INPP4B: variants seen among roughly 807,000 people sequenced by gnomAD.
INPP4B encodes inositol polyphosphate-4-phosphatase type II B.
In INPP4B, 55 loss-of-function variants were observed where a neutral mutation model predicts 122.5. The observed-to-expected ratio is 0.45, with a 90% CI of 0.36 to 0.56. INPP4B has a LOEUF of 0.56. Ranked by LOEUF, INPP4B falls within the 20% of genes least tolerant of loss-of-function variation. The pLI, the probability that INPP4B is intolerant of heterozygous loss-of-function variation, is 0.00. For synonymous variants in INPP4B, 403 were observed against 388.7 expected (o/e 1.04, Z -0.43); for missense variants, 1,000 against 1,097.7 (o/e 0.91, Z 1.26).
At chr4:142,479,065 A>T (rs1820166676) in intron 2 of INPP4B, among the ~76,000 whole-genome samples, 1 of 152,134 alleles carries the variant, frequency 6.6e-6, no homozygotes, top group African/African-American at 2.4e-5. Flanking sequence ...TGGAAACTAT[A>T]TATCTGACAA....
At chr4:142,841,285 T>TA (rs1170205912) in intron 1 of INPP4B, among the ~76,000 whole-genome samples, 1 of 152,018 alleles carries the variant, frequency 6.6e-6, no homozygotes, top group African/African-American at 2.4e-5. Flanking sequence ...CCACTGGTTT[T>TA]AGTCCTACTT....
chr4:142,810,018 A>G (rs1014234133), intron 1 of INPP4B, among the ~76,000 whole-genome samples: 2 of 151,844 alleles, frequency 1.3e-5, no homozygotes, highest in African/African-American at 4.8e-5. Context: ...AAAAATACAA[A>G]AATTAGCTGG....
At chr4:142,651,458 A>C (rs2150536704) in intron 2 of INPP4B, among the ~76,000 whole-genome samples, 1 of 152,286 alleles carries the variant, frequency 6.6e-6, no homozygotes, top group East Asian at 1.9e-4. Context: ...CATCAACAAA[A>C]TTGATAGACC....
At chr4:142,173,950 A>T in intron 15 of INPP4B, 141 bp from the exon 16 acceptor site, 1 of 707,446 alleles carries the variant, frequency 1.4e-6, no homozygotes, top group Non-Finnish European at 2.4e-6. Flanking sequence ...ATTTTTAATG[A>T]TGCACTAGCA....
chr4:142,173,567 A>G, intron 16 of INPP4B, 65 bp downstream of exon 16: 1 of 1,417,332 alleles, frequency 7.1e-7, no homozygotes, highest in Non-Finnish European at 9.8e-7. Context: ...ATGTATGCAG[A>G]AAGCCAGACC....
At chr4:142,788,976 A>C (rs976612538) in intron 1 of INPP4B, among the ~76,000 whole-genome samples, 2 of 152,194 alleles carry the variant, frequency 1.3e-5, no homozygotes, top group African/African-American at 4.8e-5. Flanking sequence ...AGAATTAAAA[A>C]CAAAAACCAG....
At position 142,621,577 on chromosome 4, in the gene INPP4B, G is replaced by A. The variant is rs145372955; in HGVS notation, c.-191+104262C>T. Among the ~76,000 whole-genome samples the A allele has an allele frequency of 5.1e-4, 77 of 152,042 alleles. 1 individual carries two copies. In the Middle Eastern group the frequency reaches 0.01, roughly 20 times the overall value. On this transcript the variant is annotated intron_variant, in intron 2 of 25. Coordinates refer to ENST00000262992, the MANE Select transcript of INPP4B (RefSeq NM_001101669.3). ...AGGACATGATTGTAAGAGTTACTCA[G>A]TGGGATTTAAATTGCAACTTCACTC... is the stretch of plus-strand genomic sequence containing the variant.
intron 11 of INPP4B, among the ~76,000 whole-genome samples, chr4:142,239,553 T>A (rs1206197295): frequency 6.6e-6 from 1 of 152,110 alleles, no homozygotes; most frequent in Non-Finnish European, 1.5e-5. Flanking sequence ...TTACAGCCAA[T>A]CAATAAAAGA....
intron 18 of INPP4B, among the ~76,000 whole-genome samples, chr4:142,128,206 ATG>A (rs57366796): frequency 0.016 from 2,339 of 150,762 alleles, 39 homozygotes; most frequent in East Asian, 0.06. Flanking sequence ...AAATATATAT[ATG>A]TGTGTGTGTG....
At chr4:142,206,052 T>TA (rs1842467161) in intron 14 of INPP4B, among the ~76,000 whole-genome samples, 1 of 152,268 alleles carries the variant, frequency 6.6e-6, no homozygotes, top group African/African-American at 2.4e-5. Flanking sequence ...AAGGCGCTGG[T>TA]ATCTGATAAC....
intron 15 of INPP4B, among the ~76,000 whole-genome samples, chr4:142,176,178 T>C (rs1828168155): frequency 6.8e-6 from 1 of 146,974 alleles, no homozygotes; most frequent in Non-Finnish European, 1.5e-5. Flanking sequence ...AGGGTACATG[T>C]GCATAACATG....
chr4:142,759,791 A>G (rs1017210577), intron 1 of INPP4B, among the ~76,000 whole-genome samples: 13 of 146,118 alleles, frequency 8.9e-5, no homozygotes, highest in Admixed American at 2.8e-4. Context: ...CCTCTCAACC[A>G]GAACTTACCC....
At chr4:142,374,712 C>T (rs980032934) in intron 7 of INPP4B, among the ~76,000 whole-genome samples, 2 of 151,804 alleles carry the variant, frequency 1.3e-5, no homozygotes, top group Admixed American at 1.3e-4. Flanking sequence ...TACTGGTGAT[C>T]TTCATATAAC....
intron 2 of INPP4B, among the ~76,000 whole-genome samples, chr4:142,663,230 T>G (rs543618349): frequency 6.6e-6 from 1 of 152,226 alleles, no homozygotes; most frequent in Non-Finnish European, 1.5e-5. Context: ...ATATCTATTT[T>G]GTTTATCTGT....
At chr4:142,703,678 G>A (rs1354290719) in intron 2 of INPP4B, among the ~76,000 whole-genome samples, 2 of 152,156 alleles carry the variant, frequency 1.3e-5, no homozygotes, top group African/African-American at 4.8e-5. Context: ...AATGAATGTT[G>A]CAATTATTAG....
At chr4:142,781,060 G>A (rs1774740300) in intron 1 of INPP4B, among the ~76,000 whole-genome samples, 1 of 152,134 alleles carries the variant, frequency 6.6e-6, no homozygotes, top group South Asian at 2.1e-4. Context: ...GGTTCTTTAG[G>A]TACATGCGAG....
chr4:142,199,851 C>G (rs2149434225), intron 14 of INPP4B, among the ~76,000 whole-genome samples: 1 of 152,128 alleles, frequency 6.6e-6, no homozygotes, highest in African/African-American at 2.4e-5. Flanking sequence ...TGAGGCTAAC[C>G]TTGATGCATT....
At chr4:142,658,486 G>A (rs1460280708) in intron 2 of INPP4B, among the ~76,000 whole-genome samples, 3 of 152,236 alleles carry the variant, frequency 2.0e-5, no homozygotes, top group Non-Finnish European at 4.4e-5. Flanking sequence ...ATGATTTACA[G>A]CCTTTAAGAA....
intron 2 of INPP4B, among the ~76,000 whole-genome samples, chr4:142,650,928 G>T (rs571821491): frequency 2.6e-5 from 4 of 152,286 alleles, no homozygotes; most frequent in Admixed American, 2.6e-4. Flanking sequence ...ATTCTTCTCA[G>T]CACCACATCA....
Sources: allele counts gnomAD v4.1 joint callset (sites outside exome capture counted in the v4.1 genomes callset), GRCh38; gene constraint gnomAD v4.1.1; transcripts MANE v1.5; gene names NCBI Gene and HGNC (gene_info 2026-07-23, HGNC 2026-07-21).